SLC9C1: variants seen among roughly 807,000 people sequenced by gnomAD.
SLC9C1 encodes the protein sodium/hydrogen exchanger 10.
A neutral mutation model predicts 140.9 loss-of-function variants in SLC9C1; 97 were observed. The ratio of observed to expected loss-of-function variants is 0.69; its 90% CI spans 0.58 to 0.82. SLC9C1 has a LOEUF of 0.82. Ranked by LOEUF, SLC9C1 falls within the 40% of genes least tolerant of loss-of-function variation. SLC9C1 has a pLI of 0.00. For synonymous variants in SLC9C1, 440 were observed against 442.6 expected, an observed-to-expected ratio of 0.99 and a Z score of 0.07; for missense variants, 1,340 against 1,389.3, an observed-to-expected ratio of 0.96 and a Z score of 0.56.
rs2075306688 is a variant in SLC9C1 at position 112,161,763 on chromosome 3, T to C, written c.3364+5458A>G. On this transcript the variant is annotated intron_variant, in intron 26 of 28. Transcript: ENST00000305815. ...TGACTTGGCGATGCGGGCTCTTTTT[T>C]GGTTCCATATGAACTTTAAAGTAGT... Among the ~76,000 whole-genome samples, 6 of 151,878 alleles carry C rather than the reference T, an allele frequency of 4.0e-5. No individual in the cohort carries two copies. In the South Asian group the frequency reaches 8.4e-4, roughly 21 times the overall value.
At chr3:112,156,119 G>A (rs1265997463) in intron 26 of SLC9C1, among the ~76,000 whole-genome samples, 1 of 151,530 alleles carries the variant, frequency 6.6e-6, no homozygotes, top group Non-Finnish European at 1.5e-5. Flanking sequence ...CTGTATTTTT[G>A]TGTACCCCTT....
At chr3:112,278,049 CT>C (rs2080263397) in intron 4 of SLC9C1, among the ~76,000 whole-genome samples, 189 bp from the exon 5 acceptor site, 1 of 152,140 alleles carries the variant, frequency 6.6e-6, no homozygotes, top group Non-Finnish European at 1.5e-5. Context: ...TGCAGGACCC[CT>C]TTTTTGTCTG....
intron 26 of SLC9C1, among the ~76,000 whole-genome samples, chr3:112,158,600 G>A (rs573097257): frequency 6.6e-6 from 1 of 151,932 alleles, no homozygotes; most frequent in Non-Finnish European, 1.5e-5. Context: ...ATTGATATTA[G>A]TTATTATTTA....
intron 8 of SLC9C1, among the ~76,000 whole-genome samples, chr3:112,264,763 T>C (rs530349474): frequency 5.3e-5 from 8 of 152,196 alleles, no homozygotes; most frequent in African/African-American, 1.9e-4. Flanking sequence ...AGATTTTCAC[T>C]GTCTTCAAGA....
chr3:112,217,048 C>T, intron 15 of SLC9C1, among the ~76,000 whole-genome samples: 1 of 152,084 alleles, frequency 6.6e-6, no homozygotes, highest in African/African-American at 2.4e-5. Context: ...AGTTCATGTC[C>T]TTTGTAGGGA....
Position 112,270,011 on chromosome 3 carries a change from G to A in SLC9C1, c.680C>T (p.Ser227Leu). The change falls in exon 7 of 29, where the codon TCA becomes TTA. Residue 227 changes from serine (S) to leucine (L), a missense_variant. Ser to Leu is a moderately radical substitution (Grantham distance 145, BLOSUM62 -2). Coordinates refer to ENST00000305815, the MANE Select transcript of SLC9C1 (RefSeq NM_183061.3). ...TGACATCCAAAATTGAATCAGTTTT[G>A]AACTTAGAATTCCAAACAAGAAACT... ...IASFLFGILS[S>L]KLIQFWMSTV... 1 of 1,598,850 alleles carries A rather than the reference G, an allele frequency of 6.3e-7. No homozygotes were observed. Among genetic ancestry groups the A allele is most frequent in the Non-Finnish European group, 8.5e-7 (1 of 1,173,450 alleles).
chr3:112,293,846 G>T (rs756016371), intron 1 of SLC9C1, among the ~76,000 whole-genome samples: 8 of 152,176 alleles, frequency 5.3e-5, no homozygotes, highest in African/African-American at 1.9e-4. Context: ...AAGAGTTGAT[G>T]TAAAAAGCAT....
At chr3:112,190,645 C>G (rs1304622649) in intron 20 of SLC9C1, among the ~76,000 whole-genome samples, 1 of 151,942 alleles carries the variant, frequency 6.6e-6, no homozygotes, top group Non-Finnish European at 1.5e-5. Flanking sequence ...GAAAATACTT[C>G]TATTCTTTGA....
At chr3:112,188,846 A>G (rs557136204) in intron 20 of SLC9C1, among the ~76,000 whole-genome samples, 75 of 152,316 alleles carry the variant, frequency 4.9e-4, no homozygotes, top group South Asian at 2.3e-3. Flanking sequence ...TTACACTCCC[A>G]CCAACAGTGT....
Position 112,152,327 on chromosome 3 carries a change from T to C in SLC9C1, c.3418-364A>G, listed in dbSNP as rs139704899. On this transcript the variant is annotated intron_variant, in intron 27 of 28. Coordinates refer to ENST00000305815, the MANE Select transcript of SLC9C1 (RefSeq NM_183061.3). ...TTTAAGGAAAGGTGCTGTGCCTCGA[T>C]GTGCATGTAGGCCAGATTTATGTTT... is the stretch of plus-strand genomic sequence containing the variant. Among the ~76,000 whole-genome samples, 1,394 of 152,194 alleles carry C rather than the reference T, an allele frequency of 9.2e-3. 42 individuals are homozygous for C. Among genetic ancestry groups the C allele is most frequent in the East Asian group, 0.091 (470 of 5,162 alleles).
chr3:112,168,786 G>T lies in SLC9C1; in HGVS notation c.3237+91C>A, dbSNP rs940328893. 6 of 1,225,686 alleles carry T rather than the reference G, an allele frequency of 4.9e-6. No homozygotes were observed. In the African/African-American group the frequency reaches 7.6e-5, roughly 16 times the overall value. 75.9% of individuals were successfully genotyped at this position (1,225,686 alleles called of 1,614,324 possible). Reference sequence around the variant, plus strand: ...AAGGGAGAAGATTGGAAGATGAAAAGCTTAAGATTATAGTGACAGTTTTTC... The same window carrying T: ...AAGGGAGAAGATTGGAAGATGAAAATCTTAAGATTATAGTGACAGTTTTTC... On this transcript the variant is annotated intron_variant, in intron 25 of 28. Transcript: ENST00000305815.
At chr3:112,170,334 T>C (rs1374593196) in intron 23 of SLC9C1, among the ~76,000 whole-genome samples, 9 of 152,188 alleles carry the variant, frequency 5.9e-5, no homozygotes, top group Non-Finnish European at 1.0e-4. Flanking sequence ...TAGTGTAAGG[T>C]GGTATCTCAT....
intron 26 of SLC9C1, 87 bp downstream of exon 26, chr3:112,167,134 A>T: frequency 6.8e-7 from 1 of 1,462,746 alleles, no homozygotes; most frequent in Non-Finnish European, 9.3e-7. Flanking sequence ...ATTAGGCAGA[A>T]TGCAAACAAC....
At chr3:112,206,435 C>G (rs1399984710) in intron 16 of SLC9C1, among the ~76,000 whole-genome samples, 1 of 152,056 alleles carries the variant, frequency 6.6e-6, no homozygotes, top group East Asian at 1.9e-4. Flanking sequence ...AAGAGTGTGG[C>G]AATTCCTCAA....
intron 20 of SLC9C1, among the ~76,000 whole-genome samples, chr3:112,191,370 A>G (rs1036998071): frequency 6.6e-6 from 1 of 152,104 alleles, no homozygotes; most frequent in Non-Finnish European, 1.5e-5. Flanking sequence ...CATTCTCTCT[A>G]TGCCTAATCT....
At chr3:112,161,338 C>G (rs1292346379) in intron 26 of SLC9C1, among the ~76,000 whole-genome samples, 1 of 152,166 alleles carries the variant, frequency 6.6e-6, no homozygotes, top group Non-Finnish European at 1.5e-5. Context: ...GACATGAAGT[C>G]CTTGCCCATG....
Position 112,257,715 on chromosome 3 carries a change from G to A in SLC9C1, c.1197+5209C>T, listed in dbSNP as rs9834013. Among the ~76,000 whole-genome samples, 1,515 of 152,134 alleles carry A rather than the reference G, an allele frequency of 1.0e-2. 26 individuals carry two copies. Among genetic ancestry groups the A allele is most frequent in the African/African-American group, 0.034 (1,410 of 41,536 alleles). Reference sequence around the variant, plus strand: ...CTTGATAAAATTGATCTAATTAAACGTAAGAGTTTCTGCACAGCAAAAGAA... The same window carrying A: ...CTTGATAAAATTGATCTAATTAAACATAAGAGTTTCTGCACAGCAAAAGAA... On this transcript the variant is annotated intron_variant, in intron 10 of 28. Transcript: ENST00000305815.
intron 1 of SLC9C1, among the ~76,000 whole-genome samples, chr3:112,289,792 T>C (rs545566506): frequency 6.6e-6 from 1 of 152,340 alleles, no homozygotes; most frequent in Non-Finnish European, 1.5e-5. Flanking sequence ...TATCAAGAAC[T>C]GTAGGTAGAC....
intron 26 of SLC9C1, among the ~76,000 whole-genome samples, chr3:112,156,580 AT>A (rs1342281983): frequency 3.3e-5 from 5 of 150,968 alleles, no homozygotes; most frequent in African/African-American, 9.7e-5. Context: ...GTTTTAGTTT[AT>A]TTTTTTTTAA....
Sources: allele counts gnomAD v4.1 joint callset (sites outside exome capture counted in the v4.1 genomes callset), GRCh38; gene constraint gnomAD v4.1.1; transcripts MANE v1.5; gene names NCBI Gene and HGNC (gene_info 2026-07-23, HGNC 2026-07-21).